Variants in PLCXD3 observed in about 807,000 individuals in gnomAD.
PLCXD3 encodes the protein PI-PLC X domain-containing protein 3.
In PLCXD3, 19 loss-of-function variants were observed where a neutral mutation model predicts 25.5. That is an observed-to-expected ratio of 0.75 (90% CI 0.52 to 1.09). The LOEUF is 1.09. Ranked by LOEUF, PLCXD3 falls within the 50% of genes least tolerant of loss-of-function variation. The probability of loss-of-function intolerance (pLI) is 0.00; values close to 1 mark genes in which losing one functional copy is unlikely to be tolerated. For missense variants in PLCXD3, 411 were observed against 388.1 expected, an observed-to-expected ratio of 1.06 and a Z score of -0.50; for synonymous variants, 174 against 137.6, an observed-to-expected ratio of 1.26 and a Z score of -1.85.
Position 41,330,773 on chromosome 5 carries a change from A to G in PLCXD3, c.813-17003T>C, listed in dbSNP as rs560859050. Among the ~76,000 whole-genome samples, 137 of 152,306 alleles carry G rather than the reference A, an allele frequency of 9.0e-4. 1 individual carries two copies. In the Middle Eastern group the frequency reaches 0.024, roughly 26 times the overall value. Reference sequence around the variant, plus strand: ...TGATGAAGTGGGCTTCATCCCTGGGATGCAAGGCTGGTTCAATATATGCAA... The same window carrying G: ...TGATGAAGTGGGCTTCATCCCTGGGGTGCAAGGCTGGTTCAATATATGCAA... On this transcript the variant is annotated intron_variant, in intron 2 of 2. Transcript: ENST00000377801.
At chr5:41,436,497 A>AC (rs1376883673) in intron 1 of PLCXD3, among the ~76,000 whole-genome samples, 1 of 152,178 alleles carries the variant, frequency 6.6e-6, no homozygotes, top group African/African-American at 2.4e-5. Context: ...ATGTTCAGTA[A>AC]ATGTTAGCTG....
chr5:41,498,608 C>G (rs937634404), intron 1 of PLCXD3, among the ~76,000 whole-genome samples: 1 of 151,648 alleles, frequency 6.6e-6, no homozygotes, highest in African/African-American at 2.4e-5. Flanking sequence ...TTCTCACACT[C>G]TTCCAAAAAA....
chr5:41,393,242 CAA>C (rs944845335), intron 1 of PLCXD3, among the ~76,000 whole-genome samples: 2 of 152,042 alleles, frequency 1.3e-5, no homozygotes, highest in African/African-American at 4.8e-5. Flanking sequence ...AGACTTAACC[CAA>C]AGAGGACTAC....
At chr5:41,411,488 G>C (rs952688416) in intron 1 of PLCXD3, among the ~76,000 whole-genome samples, 1 of 152,088 alleles carries the variant, frequency 6.6e-6, no homozygotes, top group Non-Finnish European at 1.5e-5. Flanking sequence ...TGGATATGTA[G>C]AGAATATATT....
In PLCXD3 at chr5:41,477,233, C is replaced by T. The variant is rs79233175; in HGVS notation, c.103+33191G>A. On this transcript the variant is annotated intron_variant, in intron 1 of 2. Transcript: ENST00000377801. ...TTACCCTAACAGTATAGAAATGGTA[C>T]TTACTACTAGTAGTCATTGTAGTTT... Among the ~76,000 whole-genome samples, 668 of 152,244 alleles carry T rather than the reference C, an allele frequency of 4.4e-3. 7 individuals are homozygous for T. The highest frequency in any genetic ancestry group is 0.016 in the African/African-American group (658 of 41,560).
At chr5:41,350,444 A>G (rs1000472637) in intron 2 of PLCXD3, among the ~76,000 whole-genome samples, 5 of 152,052 alleles carry the variant, frequency 3.3e-5, no homozygotes, top group Non-Finnish European at 7.4e-5. Context: ...CAATCTTAGG[A>G]TATTAGGTTC....
chr5:41,408,458 G>A (rs182615140), intron 1 of PLCXD3, among the ~76,000 whole-genome samples: 2 of 152,212 alleles, frequency 1.3e-5, no homozygotes, highest in African/African-American at 4.8e-5. Context: ...TCTGATCTGA[G>A]TTGTGATTAT....
chr5:41,476,156 C>T (rs1445447487), intron 1 of PLCXD3, among the ~76,000 whole-genome samples: 1 of 152,200 alleles, frequency 6.6e-6, no homozygotes, highest in Non-Finnish European at 1.5e-5. Flanking sequence ...CCATCCTAAG[C>T]TGAACCATTG....
At chr5:41,320,328 A>T (rs996602561) in intron 2 of PLCXD3, among the ~76,000 whole-genome samples, 1 of 152,150 alleles carries the variant, frequency 6.6e-6, no homozygotes, top group Non-Finnish European at 1.5e-5. Context: ...AAAAACAACA[A>T]CTATAAGCCA....
At chr5:41,490,577 G>A (rs931064103) in intron 1 of PLCXD3, among the ~76,000 whole-genome samples, 14 of 152,092 alleles carry the variant, frequency 9.2e-5, no homozygotes, top group African/African-American at 3.4e-4. Flanking sequence ...GACTATTTTT[G>A]TTGGTAAGCT....
intron 1 of PLCXD3, among the ~76,000 whole-genome samples, chr5:41,444,375 G>T (rs1398379732): frequency 6.6e-6 from 1 of 152,144 alleles, no homozygotes; most frequent in Non-Finnish European, 1.5e-5. Context: ...AACACATAGA[G>T]TCACATTTTT....
intron 2 of PLCXD3, among the ~76,000 whole-genome samples, chr5:41,327,474 A>G (rs868321013): frequency 6.6e-6 from 1 of 152,218 alleles, no homozygotes; most frequent in South Asian, 2.1e-4. Flanking sequence ...TCACCTATAA[A>G]TAAAGAGCTC....
intron 1 of PLCXD3, among the ~76,000 whole-genome samples, chr5:41,412,209 A>G (rs995272150): frequency 1.3e-5 from 2 of 152,166 alleles, no homozygotes; most frequent in Non-Finnish European, 2.9e-5. Context: ...CTTTAGGAAA[A>G]AAATATATAC....
intron 2 of PLCXD3, among the ~76,000 whole-genome samples, chr5:41,371,842 C>A (rs1461430731): frequency 6.6e-6 from 1 of 152,170 alleles, no homozygotes; most frequent in Non-Finnish European, 1.5e-5. Flanking sequence ...TGCAGGCCTC[C>A]TTCTCATGAC....
intron 1 of PLCXD3, among the ~76,000 whole-genome samples, chr5:41,488,114 C>T (rs932124103): frequency 6.9e-5 from 10 of 144,254 alleles, no homozygotes; most frequent in African/African-American, 1.8e-4. Flanking sequence ...GTGATGTTCC[C>T]CTTCCTGTGT....
rs923118558 is a variant in PLCXD3, at chr5:41,310,348, C to T, written c.*3269G>A. 5.3e-5 allele frequency: 8 copies of T among 152,094 alleles called. No homozygotes were observed. The highest frequency in any genetic ancestry group is 1.9e-4 in the African/African-American group (8 of 41,398). The allele number at this position is 152,094 out of a possible 1,614,324, so 9.4% of individuals were successfully genotyped here. ...CTCATTCCACCCACTCCTTTGATTTCCTGCTGTAGATTGGGTAAAAGTTAG... is the reference window on the plus strand; with the variant it reads ...CTCATTCCACCCACTCCTTTGATTTTCTGCTGTAGATTGGGTAAAAGTTAG... On this transcript the variant is annotated 3_prime_UTR_variant, in exon 3 of 3. Transcript: ENST00000377801.
chr5:41,425,445 A>G (rs540452939), intron 1 of PLCXD3, among the ~76,000 whole-genome samples: 2 of 152,288 alleles, frequency 1.3e-5, no homozygotes, highest in East Asian at 3.9e-4. Flanking sequence ...AGAGTGGCAC[A>G]TTTGTTACAA....
chr5:41,489,680 CT>C (rs1748609216), intron 1 of PLCXD3, among the ~76,000 whole-genome samples: 1 of 151,950 alleles, frequency 6.6e-6, no homozygotes, highest in African/African-American at 2.4e-5. Flanking sequence ...GTATTTTATT[CT>C]CTTTGAAGCA....
intron 1 of PLCXD3, among the ~76,000 whole-genome samples, chr5:41,393,285 C>G (rs76604585): frequency 0.11 from 16,530 of 152,036 alleles, 1,060 homozygotes; most frequent in Admixed American, 0.17. Flanking sequence ...GTTTCCAAAG[C>G]TCATGGATGA....
Sources: allele counts gnomAD v4.1 joint callset (sites outside exome capture counted in the v4.1 genomes callset), GRCh38; gene constraint gnomAD v4.1.1; transcripts MANE v1.5; gene names NCBI Gene and HGNC (gene_info 2026-07-23, HGNC 2026-07-21).